DPP10: variants seen among roughly 807,000 people sequenced by gnomAD.
DPP10 encodes the protein inactive dipeptidyl peptidase 10.
Under a neutral mutation model 120.9 loss-of-function variants are expected in DPP10, and 33 were observed. The observed-to-expected ratio is 0.27, with a 90% CI of 0.21 to 0.37. The LOEUF is 0.37. Ranked by LOEUF, DPP10 falls within the 10% of genes least tolerant of loss-of-function variation. DPP10 has a pLI of 1.00. For missense variants in DPP10, 816 were observed against 942.8 expected (o/e 0.87, Z 1.76); for synonymous variants, 337 against 326.1 (o/e 1.03, Z -0.36).
intron 1 of DPP10, among the ~76,000 whole-genome samples, chr2:115,122,342 G>T (rs2049867538): frequency 6.6e-6 from 1 of 152,210 alleles, no homozygotes. Flanking sequence ...CATCCAAGGG[G>T]CTCTGGAATG....
chr2:115,189,084 G>A (rs950677944), intron 1 of DPP10, among the ~76,000 whole-genome samples: 6 of 152,032 alleles, frequency 3.9e-5, no homozygotes, highest in African/African-American at 1.5e-4. Context: ...AATAGCACTC[G>A]AACATAAATT....
At chr2:114,669,628 C>T (rs1698185408) in intron 1 of DPP10, among the ~76,000 whole-genome samples, 1 of 152,074 alleles carries the variant, frequency 6.6e-6, no homozygotes, top group African/African-American at 2.4e-5. Flanking sequence ...TTACTACTTA[C>T]ACAAGAGAAC....
At chr2:115,629,750 C>A (rs1184993800) in intron 5 of DPP10, among the ~76,000 whole-genome samples, 1 of 152,112 alleles carries the variant, frequency 6.6e-6, no homozygotes, top group Non-Finnish European at 1.5e-5. Flanking sequence ...CTGCTCTGTT[C>A]CATTGGTCTA....
At chr2:114,891,361 T>A (rs931591117) in intron 1 of DPP10, among the ~76,000 whole-genome samples, 1 of 152,192 alleles carries the variant, frequency 6.6e-6, no homozygotes, top group Non-Finnish European at 1.5e-5. Context: ...GTACTTAATA[T>A]CTAATTGGAA....
intron 5 of DPP10, chr2:115,579,449 A>G (rs2081888144): frequency 6.6e-6 from 1 of 152,176 alleles, no homozygotes; most frequent in African/African-American, 2.4e-5. Flanking sequence ...GTCTTGATTA[A>G]CCCAATTGGG....
intron 1 of DPP10, among the ~76,000 whole-genome samples, chr2:114,929,567 C>T (rs1243787582): frequency 1.3e-5 from 2 of 152,206 alleles, no homozygotes; most frequent in Non-Finnish European, 2.9e-5. Flanking sequence ...AGAAATGTGA[C>T]TCTGTTCTGC....
chr2:115,352,185 C>T lies in DPP10; in HGVS notation c.271+8273C>T, dbSNP rs977880483. On this transcript the variant is annotated intron_variant, in intron 3 of 25. Transcript: ENST00000410059. The stretch of plus-strand genomic sequence containing the variant: ...AAGAGAATTTGAAACACAAACTAAA[C>T]TTTAGAATAAAGAAGCTAAATATTT... Among the ~76,000 whole-genome samples the T allele has an allele frequency of 1.5e-4, 23 of 152,028 alleles. No homozygotes were observed. In the East Asian group the frequency reaches 2.9e-3, roughly 19 times the overall value.
chr2:115,830,241 C>T (rs1436132721), intron 21 of DPP10, among the ~76,000 whole-genome samples: 1 of 151,698 alleles, frequency 6.6e-6, no homozygotes, highest in Non-Finnish European at 1.5e-5. Flanking sequence ...GTCTGTAATC[C>T]CAGCTACTCA....
chr2:114,619,381 ATGTGTGTGTG>A (rs71998520), intron 1 of DPP10, among the ~76,000 whole-genome samples: 2 of 146,276 alleles, frequency 1.4e-5, no homozygotes, highest in Admixed American at 6.8e-5. Flanking sequence ...ATATATACAT[ATGTGTGTGTG>A]TGTGTGTGTG....
rs944696634 is a variant in DPP10, at chr2:114,479,361, A to T, written c.60+36523A>T. 2.0e-5 allele frequency among the ~76,000 whole-genome samples: 3 copies of T among 152,100 alleles called. No homozygotes were observed. The South Asian group carries it at 6.2e-4, about 32-fold the overall frequency. ...TAAGGCTTACTGTATAACTACAAAAATAAAATTATTGTGGTATTGATAGAG... is the reference window on the plus strand; with the variant it reads ...TAAGGCTTACTGTATAACTACAAAATTAAAATTATTGTGGTATTGATAGAG... On this transcript the variant is annotated intron_variant, in intron 1 of 25. Transcript: ENST00000410059.
chr2:114,468,397 C>CAAAAAAAAAAAAAAAAAAAAAAAAAAAA (rs71297186), intron 1 of DPP10, among the ~76,000 whole-genome samples: 1 of 69,552 alleles, frequency 1.4e-5, no homozygotes. Context: ...GCTTACAATG[C>CAAAAAAAAAAAAAAAAAAAAAAAAAAAA]AAAAAAAAAA....
chr2:115,264,612 G>T (rs1442382176), intron 1 of DPP10, among the ~76,000 whole-genome samples: 1 of 152,136 alleles, frequency 6.6e-6, no homozygotes, highest in Non-Finnish European at 1.5e-5. Flanking sequence ...GAAGAATTGT[G>T]AACACATAAT....
At chr2:115,414,623 C>T (rs116008662) in intron 3 of DPP10, among the ~76,000 whole-genome samples, 1 of 152,028 alleles carries the variant, frequency 6.6e-6, no homozygotes, top group Non-Finnish European at 1.5e-5. Context: ...ACATTTTGAG[C>T]GTGATATGTA....
chr2:114,455,733 T>TA (rs1553443896), intron 1 of DPP10, among the ~76,000 whole-genome samples: 1 of 149,040 alleles, frequency 6.7e-6, no homozygotes, highest in African/African-American at 2.5e-5. Context: ...TCATTTGTTT[T>TA]TTTTTTTTTT....
At chr2:114,521,900 C>T (rs1331945590) in intron 1 of DPP10, among the ~76,000 whole-genome samples, 9 of 149,936 alleles carry the variant, frequency 6.0e-5, no homozygotes, top group Admixed American at 2.6e-4. Flanking sequence ...CTCCGCTTCC[C>T]GGGTTCACGC....
At chr2:114,640,270 G>A (rs924612012) in intron 1 of DPP10, among the ~76,000 whole-genome samples, 8 of 151,890 alleles carry the variant, frequency 5.3e-5, no homozygotes, top group South Asian at 2.1e-4. Context: ...GTCCTGGAAC[G>A]CTGAGTAGAG....
intron 1 of DPP10, among the ~76,000 whole-genome samples, chr2:115,062,128 C>CTGTTTG (rs1706459219): frequency 1.4e-5 from 2 of 143,880 alleles, no homozygotes; most frequent in Admixed American, 6.9e-5. Context: ...GATTACAGTT[C>CTGTTTG]TGTGTGTGTG....
At chr2:115,394,772 C>T (rs12621553) in intron 3 of DPP10, among the ~76,000 whole-genome samples, 69,861 of 151,816 alleles carry the variant, frequency 0.46, 17,102 homozygotes, top group Non-Finnish European at 0.56. Context: ...CAGAGGGCCA[C>T]GTATTTCTCT....
chr2:115,815,102 T>A (rs981220143), intron 20 of DPP10, 115 bp downstream of exon 20: 1 of 1,063,210 alleles, frequency 9.4e-7, no homozygotes, highest in African/African-American at 1.6e-5. Flanking sequence ...TGAGCAATTT[T>A]GTAAGTTAAT....
Sources: gnomAD v4.1 joint callset for allele counts (sites outside exome capture counted in the v4.1 genomes callset) on GRCh38, gnomAD v4.1.1 for gene constraint, MANE v1.5 for transcripts, NCBI Gene and HGNC (gene_info 2026-07-23, HGNC 2026-07-21) for gene names.